HS6ST3: variants seen among roughly 807,000 people sequenced by gnomAD.
The protein encoded by HS6ST3 is heparan-sulfate 6-O-sulfotransferase 3.
In HS6ST3, 12 loss-of-function variants were observed where a neutral mutation model predicts 36.7. The observed-to-expected ratio is 0.33, with a 90% CI of 0.21 to 0.53. The LOEUF is 0.53. HS6ST3 is among the 20% of genes least tolerant of loss of function. HS6ST3 has a pLI of 0.95. For synonymous variants in HS6ST3, 240 were observed against 257.5 expected (o/e 0.93, Z 0.65); for missense variants, 584 against 640.9 (o/e 0.91, Z 0.96).
At chr13:96,123,906 G>T (rs2053938321) in intron 1 of HS6ST3, among the ~76,000 whole-genome samples, 1 of 152,116 alleles carries the variant, frequency 6.6e-6, no homozygotes, top group Non-Finnish European at 1.5e-5. Flanking sequence ...ACTTTGCTGA[G>T]GGTTTGCAAT....
intron 1 of HS6ST3, among the ~76,000 whole-genome samples, chr13:96,109,871 G>A (rs768678399): frequency 2.6e-5 from 4 of 152,126 alleles, no homozygotes; most frequent in East Asian, 1.9e-4. Flanking sequence ...TGGAAGTGCC[G>A]GGTACTGGGC....
rs995638863 is a variant in HS6ST3, at chr13:96,734,768, G to A, written c.708-97722G>A. ...GAGCAATGCCTGAAGCAGCATTAAC[G>A]CAGAGTGATCAAGTGACAGCGCACC... On this transcript the variant is annotated intron_variant, in intron 1 of 1. Coordinates refer to ENST00000376705, the MANE Select transcript of HS6ST3 (RefSeq NM_153456.4). Among the ~76,000 whole-genome samples the A allele has an allele frequency of 7.0e-4, 107 of 152,302 alleles. 1 individual carries two copies. The highest frequency in any genetic ancestry group is 2.0e-3 in the African/African-American group (82 of 41,580).
chr13:96,517,455 TG>T (rs1228440460), intron 1 of HS6ST3, among the ~76,000 whole-genome samples: 2 of 152,012 alleles, frequency 1.3e-5, no homozygotes, highest in African/African-American at 2.4e-5. Flanking sequence ...CCCAGGGAGA[TG>T]GGGGGAGAGG....
chr13:96,266,545 T>A (rs2054693286), intron 1 of HS6ST3, among the ~76,000 whole-genome samples: 4 of 152,204 alleles, frequency 2.6e-5, no homozygotes, highest in Admixed American at 2.6e-4. Flanking sequence ...ATTTTGCTCA[T>A]CTTTTTTTCC....
chr13:96,139,840 A>G (rs1306886200), intron 1 of HS6ST3, among the ~76,000 whole-genome samples: 2 of 152,140 alleles, frequency 1.3e-5, no homozygotes, highest in Admixed American at 6.5e-5. Context: ...TGTTCTCAAG[A>G]CACATAAAGT....
chr13:96,119,151 G>A (rs1183747039), intron 1 of HS6ST3, among the ~76,000 whole-genome samples: 2 of 152,086 alleles, frequency 1.3e-5, no homozygotes, highest in Admixed American at 6.6e-5. Flanking sequence ...AGTAATAAGA[G>A]TTTAGCACAA....
intron 1 of HS6ST3, among the ~76,000 whole-genome samples, chr13:96,225,730 C>T (rs1010083345): frequency 6.6e-6 from 1 of 152,062 alleles, no homozygotes; most frequent in African/African-American, 2.4e-5. Flanking sequence ...ATTCTATTTA[C>T]CCAGATTTTT....
intron 1 of HS6ST3, among the ~76,000 whole-genome samples, chr13:96,257,598 T>A (rs1381414079): frequency 6.6e-6 from 1 of 152,204 alleles, no homozygotes; most frequent in Non-Finnish European, 1.5e-5. Flanking sequence ...AACATTGTTG[T>A]TAATTCATTT....
At chr13:96,496,931 T>A (rs1320587503) in intron 1 of HS6ST3, among the ~76,000 whole-genome samples, 1 of 152,146 alleles carries the variant, frequency 6.6e-6, no homozygotes, top group African/African-American at 2.4e-5. Flanking sequence ...CATATAGGGA[T>A]ACCTCATGGG....
intron 1 of HS6ST3, among the ~76,000 whole-genome samples, chr13:96,317,582 T>A (rs2054982323): frequency 6.6e-6 from 1 of 151,476 alleles, no homozygotes; most frequent in South Asian, 2.1e-4. Context: ...TACTTAGTAA[T>A]GGGATTGCTG....
intron 1 of HS6ST3, among the ~76,000 whole-genome samples, chr13:96,430,299 G>A (rs1218410563): frequency 6.6e-6 from 1 of 152,172 alleles, no homozygotes; most frequent in African/African-American, 2.4e-5. Context: ...TACAAATGAT[G>A]TCACATTTAG....
At chr13:96,817,680 G>A (rs1047377823) in intron 1 of HS6ST3, among the ~76,000 whole-genome samples, 11 of 152,082 alleles carry the variant, frequency 7.2e-5, no homozygotes, top group Admixed American at 5.9e-4. Flanking sequence ...TTATGTGTAT[G>A]CTTTGAATTG....
chr13:96,323,008 C>T (rs1467775429), intron 1 of HS6ST3, among the ~76,000 whole-genome samples: 2 of 152,126 alleles, frequency 1.3e-5, no homozygotes, highest in African/African-American at 4.8e-5. Context: ...AGTTCCCTTT[C>T]ACCCCTTCAA....
chr13:96,250,488 A>T (rs568762064), intron 1 of HS6ST3, among the ~76,000 whole-genome samples: 12 of 152,356 alleles, frequency 7.9e-5, no homozygotes, highest in Admixed American at 7.8e-4. Flanking sequence ...GTGAAGACAT[A>T]TGCAGAGATT....
intron 1 of HS6ST3, among the ~76,000 whole-genome samples, chr13:96,338,724 T>C (rs530150621): frequency 8.6e-4 from 131 of 152,292 alleles, no homozygotes; most frequent in Non-Finnish European, 1.6e-3. Context: ...CCAGTCTCTT[T>C]GCTTCTGTCT....
At chr13:96,326,047 C>T (rs917917802) in intron 1 of HS6ST3, among the ~76,000 whole-genome samples, 1 of 151,880 alleles carries the variant, frequency 6.6e-6, no homozygotes, top group Non-Finnish European at 1.5e-5. Flanking sequence ...ACCTTGTATA[C>T]TAAGTGAATT....
intron 1 of HS6ST3, among the ~76,000 whole-genome samples, chr13:96,390,935 G>A (rs2055392252): frequency 6.6e-6 from 1 of 152,160 alleles, no homozygotes; most frequent in South Asian, 2.1e-4. Context: ...ATTGTTTCCC[G>A]TCATTGAGGT....
chr13:96,101,828 C>T (rs947367596), intron 1 of HS6ST3, among the ~76,000 whole-genome samples: 50 of 152,240 alleles, frequency 3.3e-4, no homozygotes, highest in Admixed American at 2.7e-3. Flanking sequence ...CCGCCTTACA[C>T]GGAGCTGTCT....
chr13:96,265,163 A>C (rs2042554603), intron 1 of HS6ST3, among the ~76,000 whole-genome samples: 3 of 152,080 alleles, frequency 2.0e-5, no homozygotes, highest in Non-Finnish European at 2.9e-5. Context: ...AGCAATCTTA[A>C]TTTAATTAAT....
Sources: allele counts gnomAD v4.1 joint callset (sites outside exome capture counted in the v4.1 genomes callset), GRCh38; gene constraint gnomAD v4.1.1; transcripts MANE v1.5; gene names NCBI Gene and HGNC (gene_info 2026-07-23, HGNC 2026-07-21).